MECOM: variants seen among roughly 807,000 people sequenced by gnomAD.
The protein encoded by MECOM is MDS1 and EVI1 complex locus, also known as histone-lysine N-methyltransferase MECOM.
Under a neutral mutation model 116.3 loss-of-function variants are expected in MECOM, and 13 were observed. That is an observed-to-expected ratio of 0.11 (90% CI 0.07 to 0.18). The LOEUF (loss-of-function observed/expected upper bound fraction) is 0.18. Among genes scored for constraint, MECOM ranks in the 10% least tolerant of loss-of-function variants. The pLI is 1.00. For synonymous variants in MECOM, 528 were observed against 535.2 expected, an observed-to-expected ratio of 0.99 and a Z score of 0.19; for missense variants, 1,299 against 1,509.0, an observed-to-expected ratio of 0.86 and a Z score of 2.31.
At chr3:169,627,894 C>T (rs1455075677) in intron 1 of MECOM, among the ~76,000 whole-genome samples, 4 of 152,170 alleles carry the variant, frequency 2.6e-5, no homozygotes, top group Non-Finnish European at 5.9e-5. Context: ...GATAAAGCTG[C>T]GATTTACACC....
intron 2 of MECOM, among the ~76,000 whole-genome samples, chr3:169,240,960 CA>C (rs557650511): frequency 4.6e-5 from 7 of 152,142 alleles, no homozygotes; most frequent in Admixed American, 1.3e-4. Flanking sequence ...TGGATTATTT[CA>C]GCCACCAGCA....
chr3:169,244,718 AGCATG>A (rs1577451862), intron 2 of MECOM, among the ~76,000 whole-genome samples: 2 of 152,308 alleles, frequency 1.3e-5, no homozygotes, highest in East Asian at 3.9e-4. Context: ...CGTGTACTAA[AGCATG>A]GTGTTGTTGG....
At position 169,611,840 on chromosome 3, in the gene MECOM, A is replaced by G. The variant is rs958449567; in HGVS notation, c.37+51496T>C. ...GTCCAGAAATCAGTAAAGAACATCAATCTTGGTTGGGATAAATTTAAGTAG... is the reference window on the plus strand; with the variant it reads ...GTCCAGAAATCAGTAAAGAACATCAGTCTTGGTTGGGATAAATTTAAGTAG... On this transcript the variant is annotated intron_variant, in intron 1 of 16. Coordinates refer to ENST00000651503, the MANE Select transcript of MECOM (RefSeq NM_004991.4). The surrounding 1 kb of genome is among the most constrained non-coding windows in gnomAD (Gnocchi z 4.1). Among the ~76,000 whole-genome samples, 6 of 152,126 alleles carry G rather than the reference A, an allele frequency of 3.9e-5. No homozygotes were observed. The highest frequency in any genetic ancestry group is 7.2e-5 in the African/African-American group (3 of 41,428).
chr3:169,594,845 C>T (rs1766942582), intron 1 of MECOM, among the ~76,000 whole-genome samples: 1 of 133,112 alleles, frequency 7.5e-6, no homozygotes, highest in African/African-American at 2.7e-5. Flanking sequence ...AAATAAACGT[C>T]ACAGAATCTG....
At chr3:169,485,884 TGTATATATA>T (rs1212251589) in intron 1 of MECOM, among the ~76,000 whole-genome samples, 1,954 of 110,196 alleles carry the variant, frequency 0.018, 29 homozygotes, top group Non-Finnish European at 0.027. Flanking sequence ...TGTATATATA[TGTATATATA>T]GTATATATAG....
At chr3:169,363,851 A>G (rs1728732147) in intron 2 of MECOM, among the ~76,000 whole-genome samples, 2 of 151,894 alleles carry the variant, frequency 1.3e-5, no homozygotes, top group African/African-American at 4.8e-5. Context: ...GTGCTAAGTG[A>G]TTGATCTAGT....
chr3:169,090,566 T>C (rs1719380932), intron 14 of MECOM, among the ~76,000 whole-genome samples: 1 of 152,074 alleles, frequency 6.6e-6, no homozygotes, highest in Non-Finnish European at 1.5e-5. Context: ...CATAAGTATG[T>C]TCTCAGCACA....
intron 2 of MECOM, among the ~76,000 whole-genome samples, chr3:169,270,921 C>T (rs79078520): frequency 0.096 from 14,574 of 152,026 alleles, 1,848 homozygotes; most frequent in African/African-American, 0.29. Context: ...AAAATTATTG[C>T]TGGTTTTTAA....
At chr3:169,238,252 G>A (rs530119756) in intron 2 of MECOM, among the ~76,000 whole-genome samples, 5 of 151,660 alleles carry the variant, frequency 3.3e-5, no homozygotes, top group African/African-American at 1.2e-4. Flanking sequence ...AAAACTCTCA[G>A]ATTAACAAAT....
At chr3:169,566,037 C>T (rs1311927130) in intron 1 of MECOM, 2 of 415,466 alleles carry the variant, frequency 4.8e-6, no homozygotes, top group Admixed American at 2.7e-5. Context: ...GAAACAAGGA[C>T]CTTCTTCACA....
chr3:169,232,383 C>T (rs1753506507), intron 2 of MECOM, among the ~76,000 whole-genome samples: 1 of 150,788 alleles, frequency 6.6e-6, no homozygotes, highest in Admixed American at 6.6e-5. Context: ...AAGCAAACCA[C>T]AAAAAAAGCT....
intron 1 of MECOM, among the ~76,000 whole-genome samples, chr3:169,564,271 A>G (rs1762976496): frequency 6.6e-6 from 1 of 152,216 alleles, no homozygotes; most frequent in African/African-American, 2.4e-5. Context: ...TGAACCAGCC[A>G]AGACTCACCA....
chr3:169,368,887 A>C (rs1049545949), intron 2 of MECOM, among the ~76,000 whole-genome samples: 4 of 152,012 alleles, frequency 2.6e-5, no homozygotes, highest in African/African-American at 9.7e-5. Flanking sequence ...ATAAGAAAGA[A>C]ACTCATGAGG....
At chr3:169,145,187 CACAGAG>C (rs878949630) in intron 2 of MECOM, 2,250 of 67,952 alleles carry the variant, frequency 0.033, 60 homozygotes, top group African/African-American at 0.33. Flanking sequence ...CACACACACA[CACAGAG>C]AGAAATCAAA....
At chr3:169,325,194 C>T (rs906332854) in intron 2 of MECOM, among the ~76,000 whole-genome samples, 8 of 152,162 alleles carry the variant, frequency 5.3e-5, no homozygotes, top group South Asian at 2.1e-4. Context: ...AGCACAGCTA[C>T]GGGTCCGCTT....
In MECOM at chr3:169,630,157, G is replaced by C. The variant is rs114425052; in HGVS notation, c.37+33179C>G. Among the ~76,000 whole-genome samples the C allele has an allele frequency of 5.5e-3, 844 of 152,240 alleles. 11 individuals are homozygous for C. The highest frequency in any genetic ancestry group is 0.02 in the African/African-American group (812 of 41,520). Reference sequence around the variant, plus strand: ...CTCCCTGTCATGACCCCCTGCTGCCGTTACAAAGTCATTAGCATCTACTGT... The same window carrying C: ...CTCCCTGTCATGACCCCCTGCTGCCCTTACAAAGTCATTAGCATCTACTGT... On this transcript the variant is annotated intron_variant, in intron 1 of 16. Coordinates refer to ENST00000651503, the MANE Select transcript of MECOM (RefSeq NM_004991.4).
chr3:169,655,515 C>A (rs145947762), intron 1 of MECOM, among the ~76,000 whole-genome samples: 1 of 152,226 alleles, frequency 6.6e-6, no homozygotes, highest in East Asian at 1.9e-4. Context: ...ATGCCAAAAT[C>A]TGTGGGGAAA....
At chr3:169,603,137 A>G (rs1171876167) in intron 1 of MECOM, among the ~76,000 whole-genome samples, 1 of 152,226 alleles carries the variant, frequency 6.6e-6, no homozygotes, top group East Asian at 1.9e-4. Context: ...ATATAAAACA[A>G]TGGTCCCATA....
At chr3:169,500,688 C>CA (rs1224939633) in intron 1 of MECOM, among the ~76,000 whole-genome samples, 1 of 151,834 alleles carries the variant, frequency 6.6e-6, no homozygotes, top group Non-Finnish European at 1.5e-5. Context: ...AATTACTAAG[C>CA]AATTATATAA....
Sources: gnomAD v4.1 joint callset for allele counts (sites outside exome capture counted in the v4.1 genomes callset) on GRCh38, gnomAD v4.1.1 for gene constraint, Gnocchi (gnomAD v3.1) non-coding constraint, MANE v1.5 for transcripts, NCBI Gene and HGNC (gene_info 2026-07-23, HGNC 2026-07-21) for gene names.